Variants in CAPZA1 observed in about 807,000 individuals in gnomAD.
CAPZA1 encodes F-actin-capping protein subunit alpha-1.
In CAPZA1, 10 loss-of-function variants were observed where a neutral mutation model predicts 40.8. That is an observed-to-expected ratio of 0.25 (90% CI 0.15 to 0.42). The LOEUF is 0.42. CAPZA1 is among the 10% of genes least tolerant of loss of function. The probability of loss-of-function intolerance (pLI) is 1.00; values close to 1 mark genes in which losing one functional copy is unlikely to be tolerated. For synonymous variants in CAPZA1, 98 were observed against 115.0 expected, an observed-to-expected ratio of 0.85 and a Z score of 0.95; for missense variants, 277 against 353.8, an observed-to-expected ratio of 0.78 and a Z score of 1.74.
rs371099130 is a variant in CAPZA1, at chr1:112,621,317, G to T, written c.39+1434G>T. Among the ~76,000 whole-genome samples the T allele has an allele frequency of 3.1e-3, 464 of 149,434 alleles. 4 individuals are homozygous for T. Among genetic ancestry groups the T allele is most frequent in the African/African-American group, 0.011 (436 of 40,452 alleles). ...TTTTTTTTTTTTGAGACGGAGTCTC[G>T]CTCGGCTCACTGCAACTTCCGCCTC... On this transcript the variant is annotated intron_variant, in intron 1 of 9. Transcript: ENST00000263168.
At chr1:112,620,907 G>A (rs6537746) in intron 1 of CAPZA1, 119,381 of 152,174 alleles carry the variant, frequency 0.78, 47,059 homozygotes, top group South Asian at 0.88. Flanking sequence ...GCAACTTATT[G>A]GACAAGAATT....
chr1:112,655,789 C>T (rs1671489059), intron 5 of CAPZA1, among the ~76,000 whole-genome samples: 1 of 152,206 alleles, frequency 6.6e-6, no homozygotes, highest in Non-Finnish European at 1.5e-5. Context: ...TCTCGAACTC[C>T]TAACATCAGG....
intron 1 of CAPZA1, among the ~76,000 whole-genome samples, chr1:112,636,709 C>G (rs1269021471): frequency 6.6e-6 from 1 of 152,096 alleles, no homozygotes; most frequent in Non-Finnish European, 1.5e-5. Flanking sequence ...ACATACCTCC[C>G]CTTTATGGGA....
chr1:112,643,875 C>CTTTTTTTTTTTTTTTTTTTTTTTTTG (rs1557731528), intron 1 of CAPZA1, among the ~76,000 whole-genome samples: 14 of 152,044 alleles, frequency 9.2e-5, no homozygotes, highest in African/African-American at 3.1e-4. Context: ...GAGACAGTCT[C>CTTTTTTTTTTTTTTTTTTTTTTTTTG]ACTCTGTCGC....
chr1:112,665,330 C>G (rs1045135598), intron 7 of CAPZA1, among the ~76,000 whole-genome samples: 2 of 151,992 alleles, frequency 1.3e-5, no homozygotes, highest in African/African-American at 4.8e-5. Context: ...ATGCCTGCCA[C>G]TACACCTGGC....
chr1:112,636,307 TTTA>T (rs1222453821), intron 1 of CAPZA1, among the ~76,000 whole-genome samples: 1 of 152,198 alleles, frequency 6.6e-6, no homozygotes, highest in Non-Finnish European at 1.5e-5. Flanking sequence ...CAAGGATTGG[TTTA>T]TTATTATTTC....
At chr1:112,647,100 A>C (rs1671294243) in intron 1 of CAPZA1, 110 bp from the exon 2 acceptor site, 1 of 528,918 alleles carries the variant, frequency 1.9e-6, no homozygotes, top group African/African-American at 2.0e-5. Context: ...ATGTTTAAAC[A>C]GAACATTTTT....
At chr1:112,651,216 C>T (rs975664557) in intron 3 of CAPZA1, among the ~76,000 whole-genome samples, 1 of 152,172 alleles carries the variant, frequency 6.6e-6, no homozygotes, top group African/African-American at 2.4e-5. Flanking sequence ...ATAATTCCAG[C>T]GCTTCTGGAA....
Position 112,647,416 on chromosome 1 carries a change from C to A in CAPZA1, c.103+143C>A, listed in dbSNP as rs1671302775. 9.1e-6 allele frequency: 4 copies of A among 439,352 alleles called. No homozygotes were observed. The East Asian group carries it at 1.4e-4, about 15-fold the overall frequency. 27.2% of individuals were successfully genotyped at this position (439,352 alleles called of 1,614,324 possible). A position where few individuals can be genotyped will look rare whatever the true frequency, so the allele number is the denominator to read the frequency against. On this transcript the variant is annotated intron_variant, in intron 2 of 9. Transcript: ENST00000263168. ...AAAATTGAAATAACTTGTCCAAGGTCCCCCAGTTAGTAAATGTCAAAGCAA... is the reference window on the plus strand; with the variant it reads ...AAAATTGAAATAACTTGTCCAAGGTACCCCAGTTAGTAAATGTCAAAGCAA...
intron 1 of CAPZA1, 40 bp downstream of exon 1, chr1:112,619,923 A>T: frequency 1.3e-6 from 2 of 1,553,486 alleles, no homozygotes; most frequent in Non-Finnish European, 1.8e-6. Context: ...CTCCCCCGAC[A>T]GGGAACTGGG....
At chr1:112,665,794 A>G (rs1390266451) in intron 7 of CAPZA1, among the ~76,000 whole-genome samples, 1 of 152,096 alleles carries the variant, frequency 6.6e-6, no homozygotes, top group African/African-American at 2.4e-5. Context: ...TCCTCTTAAT[A>G]TTATCCCATT....
At chr1:112,646,639 A>AT (rs973563782) in intron 1 of CAPZA1, 1 of 152,096 alleles carries the variant, frequency 6.6e-6, no homozygotes, top group Non-Finnish European at 1.5e-5. Flanking sequence ...TTGTTGTAGA[A>AT]TTTTGGTAGG....
chr1:112,659,871 A>T, intron 7 of CAPZA1, 92 bp downstream of exon 7: 1 of 898,222 alleles, frequency 1.1e-6, no homozygotes, highest in Non-Finnish European at 1.8e-6. Flanking sequence ...AAGTATGTGT[A>T]GATGCAAAGG....
At chr1:112,663,895 A>G (rs1458309324) in intron 7 of CAPZA1, among the ~76,000 whole-genome samples, 2 of 152,212 alleles carry the variant, frequency 1.3e-5, no homozygotes, top group Non-Finnish European at 2.9e-5. Flanking sequence ...TGGAAAGTCT[A>G]GCTTCTCATG....
chr1:112,663,893 C>G (rs889581018), intron 7 of CAPZA1, among the ~76,000 whole-genome samples: 8 of 152,288 alleles, frequency 5.3e-5, no homozygotes, highest in Non-Finnish European at 1.2e-4. Context: ...TATGGAAAGT[C>G]TAGCTTCTCA....
At chr1:112,648,063 C>T (rs930644192) in intron 2 of CAPZA1, among the ~76,000 whole-genome samples, 1 of 152,050 alleles carries the variant, frequency 6.6e-6, no homozygotes, top group African/African-American at 2.4e-5. Context: ...GTTAGCTACT[C>T]GAGAGGAACT....
chr1:112,638,840 T>C (rs937091070), intron 1 of CAPZA1, among the ~76,000 whole-genome samples: 10 of 150,100 alleles, frequency 6.7e-5, no homozygotes, highest in South Asian at 2.1e-4. Context: ...GAGGCAGAGG[T>C]TGCAGTGAGC....
chr1:112,649,519 A>C, intron 3 of CAPZA1, 50 bp downstream of exon 3: 1 of 1,385,106 alleles, frequency 7.2e-7, no homozygotes, highest in Non-Finnish European at 1.0e-6. Context: ...CATTGGATAA[A>C]CTATGTTGAC....
intron 3 of CAPZA1, among the ~76,000 whole-genome samples, chr1:112,653,167 G>A (rs3013440): frequency 0.51 from 77,553 of 152,020 alleles, 20,217 homozygotes; most frequent in South Asian, 0.65. Flanking sequence ...TAATTAGATT[G>A]CTTCAAACTT....
Sources: allele counts gnomAD v4.1 joint callset (sites outside exome capture counted in the v4.1 genomes callset), GRCh38; gene constraint gnomAD v4.1.1; transcripts MANE v1.5; gene names NCBI Gene and HGNC (gene_info 2026-07-23, HGNC 2026-07-21).